Variants in CEP112 observed in about 807,000 individuals in gnomAD.
CEP112 encodes centrosomal protein of 112 kDa.
In CEP112, 127 loss-of-function variants were observed where a neutral mutation model predicts 153.0. That is an observed-to-expected ratio of 0.83 (90% CI 0.72 to 0.96). The LOEUF is 0.96. Among genes scored for constraint, CEP112 ranks in the 40% least tolerant of loss-of-function variants. The probability of loss-of-function intolerance (pLI) is 0.00; values close to 1 mark genes in which losing one functional copy is unlikely to be tolerated. For synonymous variants in CEP112, 358 were observed against 374.4 expected, an observed-to-expected ratio of 0.96 and a Z score of 0.51; for missense variants, 1,089 against 1,101.2, an observed-to-expected ratio of 0.99 and a Z score of 0.16.
chr17:66,129,975 G>A, intron 5 of CEP112, 152 bp from the exon 6 acceptor site: 14 of 499,186 alleles, frequency 2.8e-5, no homozygotes, highest in South Asian at 1.3e-4. Flanking sequence ...AGAAAGGAAG[G>A]GATGAAAAGA....
chr17:65,859,451 AAAAAG>A (rs1408279064), intron 20 of CEP112, among the ~76,000 whole-genome samples: 1 of 151,098 alleles, frequency 6.6e-6, no homozygotes, highest in African/African-American at 2.4e-5. Context: ...AAAAAAAAAA[AAAAAG>A]AAAAGAAAAG....
intron 20 of CEP112, among the ~76,000 whole-genome samples, chr17:65,853,605 T>G (rs186864940): frequency 6.6e-6 from 1 of 151,952 alleles, no homozygotes; most frequent in Non-Finnish European, 1.5e-5. Context: ...GGTGGGCACC[T>G]GTAATCCCAG....
At chr17:66,102,484 T>C (rs555867093) in intron 6 of CEP112, among the ~76,000 whole-genome samples, 4 of 152,192 alleles carry the variant, frequency 2.6e-5, no homozygotes, top group African/African-American at 9.6e-5. Context: ...GAAGAAACTA[T>C]ATAATCCTCT....
chr17:65,916,287 G>GTGTGTGTGTGTGTGTGTGTA (rs138734881), intron 19 of CEP112, among the ~76,000 whole-genome samples: 31 of 147,590 alleles, frequency 2.1e-4, no homozygotes, highest in Admixed American at 7.5e-4. Context: ...GTGTGTGTGT[G>GTGTGTGTGTGTGTGTGTGTA]TGTGTATGTG....
At chr17:65,904,596 A>G (rs1264833037) in intron 19 of CEP112, among the ~76,000 whole-genome samples, 1 of 152,214 alleles carries the variant, frequency 6.6e-6, no homozygotes, top group Non-Finnish European at 1.5e-5. Flanking sequence ...GAATTAGAAA[A>G]AACTACTTTA....
intron 18 of CEP112, among the ~76,000 whole-genome samples, chr17:65,936,321 C>T (rs2144348429): frequency 6.6e-6 from 1 of 152,250 alleles, no homozygotes. Flanking sequence ...AGCTTCAGCT[C>T]ACTGCTGAAT....
intron 19 of CEP112, among the ~76,000 whole-genome samples, chr17:65,924,387 A>G (rs2060845980): frequency 6.6e-6 from 1 of 152,218 alleles, no homozygotes; most frequent in South Asian, 2.1e-4. Flanking sequence ...AAGTATTTCT[A>G]TAGGATAGGT....
chr17:65,936,999 G>T (rs977466323), intron 18 of CEP112, among the ~76,000 whole-genome samples: 6 of 150,280 alleles, frequency 4.0e-5, no homozygotes, highest in Non-Finnish European at 7.4e-5. Flanking sequence ...TATTTTTTTG[G>T]TGGAGATGGG....
chr17:65,758,994 G>C (rs956659586), intron 21 of CEP112, among the ~76,000 whole-genome samples: 8 of 152,128 alleles, frequency 5.3e-5, no homozygotes, highest in African/African-American at 1.7e-4. Flanking sequence ...GAGGAGGTAG[G>C]CACAAGATAC....
At chr17:65,828,880 T>C (rs2056959554) in intron 21 of CEP112, among the ~76,000 whole-genome samples, 1 of 147,976 alleles carries the variant, frequency 6.8e-6, no homozygotes, top group Admixed American at 6.7e-5. Context: ...TTTAGAGAGT[T>C]TTTTTTTTTC....
At position 66,132,713 on chromosome 17, in the gene CEP112, G is replaced by A; in HGVS notation, c.521C>T (p.Pro174Leu). Residue 174 changes from proline (P) to leucine (L), a missense_variant, in exon 5 of 27, where the codon CCA becomes CTA. Coordinates refer to ENST00000535342, the MANE Select transcript of CEP112 (RefSeq NM_001199165.4). ...ATTTTGTCCATCTTCTCTGTGAGTT[G>A]GACTCAAGGAGTGTGATCTCACTCG... ...KLRVRSHSLS[P>L]THREDGQNIT... 1 of 1,613,852 alleles carries A rather than the reference G, an allele frequency of 6.2e-7. No individual in the cohort carries two copies. The highest frequency in any genetic ancestry group is 8.5e-7 in the Non-Finnish European group (1 of 1,179,796).
chr17:66,183,338 G>T (rs763498993), intron 1 of CEP112, 31 bp from the exon 2 acceptor site: 1 of 1,444,306 alleles, frequency 6.9e-7, no homozygotes, highest in Non-Finnish European at 9.6e-7. Context: ...AAATATTAAG[G>T]ATTTGTATGC....
intron 12 of CEP112, among the ~76,000 whole-genome samples, chr17:66,041,973 CTT>C (rs1439766030): frequency 6.6e-6 from 1 of 152,140 alleles, no homozygotes; most frequent in East Asian, 1.9e-4. Context: ...TGGGGAGTAA[CTT>C]TACACTGGAG....
At position 65,755,358 on chromosome 17, in the gene CEP112, A is replaced by G. The variant is rs574942128; in HGVS notation, c.2395-4634T>C. Among the ~76,000 whole-genome samples, 3 of 152,252 alleles carry G rather than the reference A, an allele frequency of 2.0e-5. No individual in the cohort carries two copies. The East Asian group carries it at 5.8e-4, about 29-fold the overall frequency. ...ATTGCATGACAACTCACTCACTGTT[A>G]TAAGAACAGCACCAAGGGGGAAATC... On this transcript the variant is annotated intron_variant, in intron 21 of 26. Coordinates refer to ENST00000535342, the MANE Select transcript of CEP112 (RefSeq NM_001199165.4).
intron 21 of CEP112, among the ~76,000 whole-genome samples, chr17:65,848,935 C>G (rs978405003): frequency 2.1e-4 from 32 of 152,286 alleles, no homozygotes; most frequent in African/African-American, 7.7e-4. Flanking sequence ...TTAATCCAGT[C>G]CTTGTTACCT....
chr17:66,028,996 G>T, intron 14 of CEP112, 127 bp downstream of exon 14: 1 of 745,920 alleles, frequency 1.3e-6, no homozygotes, highest in Non-Finnish European at 2.1e-6. Context: ...TGAAGTTCCT[G>T]TTAATTTAAG....
At chr17:66,060,978 ACAG>A (rs2066900815) in intron 11 of CEP112, among the ~76,000 whole-genome samples, 1 of 151,840 alleles carries the variant, frequency 6.6e-6, no homozygotes, top group Non-Finnish European at 1.5e-5. Flanking sequence ...AAGGCAACCT[ACAG>A]AATGGGAAAA....
At chr17:65,828,393 C>T (rs964948060) in intron 21 of CEP112, among the ~76,000 whole-genome samples, 1 of 152,172 alleles carries the variant, frequency 6.6e-6, no homozygotes, top group Non-Finnish European at 1.5e-5. Context: ...CATCTTTTTC[C>T]TCTCTTCCTG....
At chr17:65,746,139 T>A (rs1351592438) in intron 22 of CEP112, among the ~76,000 whole-genome samples, 1 of 105,846 alleles carries the variant, frequency 9.4e-6, no homozygotes, top group African/African-American at 3.9e-5. Context: ...CACTCCAGCC[T>A]GGGCAACAAG....
Sources: gnomAD v4.1 joint callset for allele counts (sites outside exome capture counted in the v4.1 genomes callset) on GRCh38, gnomAD v4.1.1 for gene constraint, MANE v1.5 for transcripts, NCBI Gene and HGNC (gene_info 2026-07-23, HGNC 2026-07-21) for gene names.